Variants in NLK observed in about 807,000 individuals in gnomAD.
The protein encoded by NLK is serine/threonine-protein kinase NLK.
A neutral mutation model predicts 59.0 loss-of-function variants in NLK; 11 were observed. That is an observed-to-expected ratio of 0.19 (90% confidence interval 0.12 to 0.31). The LOEUF (loss-of-function observed/expected upper bound fraction) is 0.31. Among genes scored for constraint, NLK ranks in the 10% least tolerant of loss-of-function variants. The pLI, the probability that NLK is intolerant of heterozygous loss-of-function variation, is 1.00. For missense variants in NLK, 410 were observed against 661.1 expected, an observed-to-expected ratio of 0.62 and a Z score of 4.16; for synonymous variants, 235 against 235.9, an observed-to-expected ratio of 1.00 and a Z score of 0.03.
intron 1 of NLK, among the ~76,000 whole-genome samples, chr17:28,073,221 C>T (rs1910065646): frequency 6.6e-6 from 1 of 152,174 alleles, no homozygotes; most frequent in Admixed American, 6.5e-5. Flanking sequence ...GACCCTTATT[C>T]TCATTATCGC....
downstream of NLK, among the ~76,000 whole-genome samples, chr17:28,199,683 A>C (rs1407984578): frequency 2.6e-4 from 3 of 11,586 alleles, no homozygotes; most frequent in African/African-American, 6.9e-4. Flanking sequence ...AAAAAAAAAA[A>C]ACAAAACAAA....
intron 1 of NLK, among the ~76,000 whole-genome samples, chr17:28,111,899 GTGTGTGTGTGTGTGTGTGTGTGTGTGT>G (rs1905526096): frequency 1.3e-5 from 1 of 76,202 alleles, no homozygotes; most frequent in East Asian, 3.2e-4. Flanking sequence ...TGTGTGTGGT[GTGTGTGTGTGTGTGTGTGTGTGTGTGT>G]GTGTGTGTGT....
intron 4 of NLK, among the ~76,000 whole-genome samples, chr17:28,162,333 C>CT (rs1204927497): frequency 6.6e-6 from 1 of 152,014 alleles, no homozygotes; most frequent in African/African-American, 2.4e-5. Flanking sequence ...AATATTAAAA[C>CT]TAAAAAACTC....
downstream of NLK, among the ~76,000 whole-genome samples, chr17:28,198,255 G>GCCT (rs1425603645): frequency 1.3e-5 from 2 of 152,106 alleles, no homozygotes; most frequent in Non-Finnish European, 2.9e-5. Flanking sequence ...TCCCACCTCA[G>GCCT]CCTCCCAAAA....
intron 1 of NLK, among the ~76,000 whole-genome samples, chr17:28,119,419 A>G (rs943613310): frequency 1.3e-5 from 2 of 152,166 alleles, no homozygotes; most frequent in African/African-American, 2.4e-5. Context: ...TGTGTCAAGT[A>G]TTTTCAGGAG....
chr17:28,118,383 T>C (rs1248648638), intron 1 of NLK, among the ~76,000 whole-genome samples: 1 of 152,184 alleles, frequency 6.6e-6, no homozygotes, highest in African/African-American at 2.4e-5. Context: ...GTATTTGCTT[T>C]GAATAGCTAA....
chr17:28,082,407 C>T (rs948313763), intron 1 of NLK, among the ~76,000 whole-genome samples: 1 of 152,140 alleles, frequency 6.6e-6, no homozygotes, highest in African/African-American at 2.4e-5. Flanking sequence ...ATTTGAGTTA[C>T]CTGAATTATA....
At chr17:28,150,892 C>CT (rs1907452226) in intron 3 of NLK, among the ~76,000 whole-genome samples, 1 of 152,092 alleles carries the variant, frequency 6.6e-6, no homozygotes, top group Admixed American at 6.5e-5. Context: ...TTCTGAAAAC[C>CT]TTAACTTTGG....
At chr17:28,155,390 G>T (rs1231230406) in intron 3 of NLK, among the ~76,000 whole-genome samples, 1 of 152,110 alleles carries the variant, frequency 6.6e-6, no homozygotes, top group East Asian at 1.9e-4. Flanking sequence ...CAAGGATCTA[G>T]AACTAGAAAT....
chr17:28,121,267 G>A (rs1196916710), intron 1 of NLK, among the ~76,000 whole-genome samples: 1 of 151,516 alleles, frequency 6.6e-6, no homozygotes, highest in Non-Finnish European at 1.5e-5. Flanking sequence ...TCAGAGCATT[G>A]GATGATCAGA....
chr17:28,059,541 AT>A (rs1909558221), intron 1 of NLK, among the ~76,000 whole-genome samples: 1 of 152,222 alleles, frequency 6.6e-6, no homozygotes, highest in South Asian at 2.1e-4. Flanking sequence ...GTCTTATCTA[AT>A]ATATCAAAAC....
intron 1 of NLK, among the ~76,000 whole-genome samples, chr17:28,043,789 T>A (rs2142727257): frequency 6.6e-6 from 1 of 152,364 alleles, no homozygotes; most frequent in Non-Finnish European, 1.5e-5. Flanking sequence ...TTCTGTCTTT[T>A]CACTTATTTT....
intron 1 of NLK, among the ~76,000 whole-genome samples, chr17:28,095,658 T>TA (rs1280959294): frequency 6.6e-6 from 1 of 152,226 alleles, no homozygotes; most frequent in African/African-American, 2.4e-5. Context: ...ACAATATATA[T>TA]ATTTGAAATG....
chr17:28,120,138 T>G (rs566051771), intron 1 of NLK, among the ~76,000 whole-genome samples: 1 of 152,278 alleles, frequency 6.6e-6, no homozygotes, highest in African/African-American at 2.4e-5. Flanking sequence ...AGAAAAAAAG[T>G]ACTTCTAACT....
chr17:28,125,738 GTTTA>G (rs1424570653), intron 2 of NLK, among the ~76,000 whole-genome samples: 2 of 152,174 alleles, frequency 1.3e-5, no homozygotes, highest in African/African-American at 2.4e-5. Context: ...GGCAGCAAAT[GTTTA>G]TTTATTGTGT....
intron 3 of NLK, among the ~76,000 whole-genome samples, chr17:28,158,932 C>T (rs1173730161): frequency 6.6e-6 from 1 of 152,222 alleles, no homozygotes; most frequent in African/African-American, 2.4e-5. Flanking sequence ...ATTTTCAGCA[C>T]TGTTACAGTC....
At chr17:28,189,277 T>A (rs1453857326) in intron 8 of NLK, among the ~76,000 whole-genome samples, 1 of 152,174 alleles carries the variant, frequency 6.6e-6, no homozygotes, top group Non-Finnish European at 1.5e-5. Context: ...CCCCACAATG[T>A]CCCACATGCT....
rs986144136 is a variant in NLK at position 28,147,037 on chromosome 17, T to A, written c.645-14123T>A. Reference sequence around the variant, plus strand: ...TTTGTTCATTTACATTAAAATCTTTTTGCACCTTCTTGCCCTCTCTCCTTG... The same window carrying A: ...TTTGTTCATTTACATTAAAATCTTTATGCACCTTCTTGCCCTCTCTCCTTG... On this transcript the variant is annotated intron_variant, in intron 3 of 10. Transcript: ENST00000407008. 2.0e-5 allele frequency among the ~76,000 whole-genome samples: 3 copies of A among 152,198 alleles called. No individual in the cohort carries two copies. In the South Asian group the frequency reaches 6.2e-4, roughly 32 times the overall value.
At chr17:28,098,887 G>T (rs1260969826) in intron 1 of NLK, among the ~76,000 whole-genome samples, 1 of 151,638 alleles carries the variant, frequency 6.6e-6, no homozygotes, top group African/African-American at 2.4e-5. Flanking sequence ...TCTGCATGTT[G>T]GTCAGGCTGG....
Sources: allele counts gnomAD v4.1 joint callset (sites outside exome capture counted in the v4.1 genomes callset), GRCh38; gene constraint gnomAD v4.1.1; transcripts MANE v1.5; gene names NCBI Gene and HGNC (gene_info 2026-07-23, HGNC 2026-07-21).